The following SRPK2 variants were observed in gnomAD, a reference collection of about 807,000 sequenced individuals.
The protein encoded by SRPK2 is SFRS protein kinase 2.
A neutral mutation model predicts 90.8 loss-of-function variants in SRPK2; 21 were observed. The observed-to-expected ratio is 0.23, with a 90% CI of 0.16 to 0.33. The LOEUF is 0.33. SRPK2 is among the 10% of genes least tolerant of loss of function. The pLI is 1.00. For missense variants in SRPK2, 620 were observed against 869.0 expected, an observed-to-expected ratio of 0.71 and a Z score of 3.60; for synonymous variants, 288 against 311.1, an observed-to-expected ratio of 0.93 and a Z score of 0.78.
At position 105,301,513 on chromosome 7, in the gene SRPK2, G is replaced by A. The variant is rs191874660; in HGVS notation, c.71+87135C>T. 62 of 1,381,844 alleles carry A rather than the reference G, an allele frequency of 4.5e-5. 1 individual carries two copies. Among genetic ancestry groups the A allele is most frequent in the African/African-American group, 3.3e-4 (23 of 70,562 alleles). The allele number at this position is 1,381,844 out of a possible 1,614,324, so 85.6% of individuals were successfully genotyped here. On this transcript the variant is annotated intron_variant, in intron 2 of 15. Coordinates refer to ENST00000393651, the MANE Select transcript of SRPK2 (RefSeq NM_182692.3). ...TCCACTCAGGAGGCGCCCCGCAACC[G>A]GTGTGACGAGTGCCAACGAGGACCA...
chr7:105,245,032 CAA>C (rs1230455395), intron 2 of SRPK2: 95 of 587,794 alleles, frequency 1.6e-4, no homozygotes, highest in East Asian at 3.1e-4. Context: ...CAAAACAAAA[CAA>C]ACACACACAC....
intron 2 of SRPK2, among the ~76,000 whole-genome samples, chr7:105,370,622 T>C (rs1819589590): frequency 6.7e-6 from 1 of 148,996 alleles, no homozygotes; most frequent in Admixed American, 6.7e-5. Context: ...CTTTCTTTTT[T>C]TTTTTTTTTT....
chr7:105,346,667 C>T lies in SRPK2; in HGVS notation c.71+41981G>A, dbSNP rs558405446. On this transcript the variant is annotated intron_variant, in intron 2 of 15. Transcript: ENST00000393651. ...TACTCGGAAGGCTGAGGCAGAAGAACTGATTGAACCCCAGCAGGCAGAGGA... is the reference window on the plus strand; with the variant it reads ...TACTCGGAAGGCTGAGGCAGAAGAATTGATTGAACCCCAGCAGGCAGAGGA... 3.9e-5 allele frequency among the ~76,000 whole-genome samples: 6 copies of T among 151,908 alleles called. No individual in the cohort carries two copies. The South Asian group carries it at 6.2e-4, about 16-fold the overall frequency.
intron 2 of SRPK2, among the ~76,000 whole-genome samples, chr7:105,222,698 A>C (rs939658040): frequency 2.0e-5 from 3 of 152,208 alleles, no homozygotes; most frequent in Non-Finnish European, 2.9e-5. Flanking sequence ...TTCAATCCAT[A>C]ATAACATTAG....
At chr7:105,170,967 G>GAAAGAAAGAAAGAGAA (rs66735717) in intron 3 of SRPK2, among the ~76,000 whole-genome samples, 3 of 74,506 alleles carry the variant, frequency 4.0e-5, no homozygotes, top group South Asian at 6.1e-4. Flanking sequence ...AAGAAAGAAA[G>GAAAGAAAGAAAGAGAA]AGAAAGAAAG....
At chr7:105,236,688 T>C (rs1029580553) in intron 2 of SRPK2, among the ~76,000 whole-genome samples, 1 of 152,116 alleles carries the variant, frequency 6.6e-6, no homozygotes, top group Non-Finnish European at 1.5e-5. Flanking sequence ...TAACAACCTG[T>C]AGTTCACTTG....
At chr7:105,116,206 C>T (rs57402653), downstream of SRPK2, among the ~76,000 whole-genome samples, 1,599 of 152,056 alleles carry the variant, frequency 0.011, 22 homozygotes, top group African/African-American at 0.037. Flanking sequence ...CTCCTAAATC[C>T]CTTCTGCCCT....
intron 2 of SRPK2, among the ~76,000 whole-genome samples, chr7:105,341,794 C>A (rs1306354033): frequency 1.3e-5 from 2 of 152,044 alleles, no homozygotes; most frequent in African/African-American, 4.8e-5. Context: ...TGGTAAAACC[C>A]ATCTCTACTA....
intron 2 of SRPK2, among the ~76,000 whole-genome samples, chr7:105,232,614 AC>A (rs200016527): frequency 2.5e-4 from 11 of 44,042 alleles, no homozygotes; most frequent in African/African-American, 9.0e-4. Flanking sequence ...GCAAAACAAA[AC>A]AAAAAAAAAC....
intron 2 of SRPK2, among the ~76,000 whole-genome samples, chr7:105,270,244 A>C (rs780929543): frequency 1.2e-4 from 18 of 152,206 alleles, no homozygotes; most frequent in Admixed American, 1.3e-4. Flanking sequence ...AGCCACTGGG[A>C]GAGCAGAGCA....
chr7:105,352,090 A>T (rs1817264497), intron 2 of SRPK2, among the ~76,000 whole-genome samples: 1 of 152,166 alleles, frequency 6.6e-6, no homozygotes, highest in Non-Finnish European at 1.5e-5. Flanking sequence ...CTATGGAGCA[A>T]GCAGCAGAGC....
intron 3 of SRPK2, among the ~76,000 whole-genome samples, chr7:105,182,231 C>CAAAAAA (rs368137906): frequency 1.5e-5 from 1 of 65,834 alleles, no homozygotes; most frequent in Admixed American, 1.8e-4. Flanking sequence ...GACTCTGTCT[C>CAAAAAA]AAAAAAAAAA....
chr7:105,269,267 C>G (rs922830248), intron 2 of SRPK2, among the ~76,000 whole-genome samples: 5 of 151,824 alleles, frequency 3.3e-5, no homozygotes, highest in African/African-American at 4.8e-5. Flanking sequence ...CTGTAATAAA[C>G]AGATATGCAA....
In SRPK2 at chr7:105,146,596, C is replaced by A. The variant is rs369405262; in HGVS notation, c.684G>T (p.Pro228=). The A allele has an allele frequency of 1.2e-6, 2 of 1,614,148 alleles. No individual in the cohort carries two copies. The highest frequency in any genetic ancestry group is 1.7e-6 in the Non-Finnish European group (2 of 1,180,018). The change falls in exon 8 of 16, where the codon CCG becomes CCT. Residue 228 remains proline (P), a synonymous_variant. Transcript: ENST00000393651. ...KCKIIHTDIK[P]ENILMCVDDA... is the part of the protein sequence containing the mutation. ...CATCCACACACATCAAGATATTTTC[C>A]GGCTTTATGTCAGTATGAATGATCT...
At chr7:105,258,496 A>C (rs1444540623) in intron 2 of SRPK2, among the ~76,000 whole-genome samples, 3 of 152,124 alleles carry the variant, frequency 2.0e-5, no homozygotes, top group African/African-American at 7.2e-5. Flanking sequence ...GGTGATACAC[A>C]AAATACTAAT....
intron 11 of SRPK2, among the ~76,000 whole-genome samples, chr7:105,140,609 A>G (rs909967532): frequency 1.3e-5 from 2 of 151,960 alleles, no homozygotes; most frequent in African/African-American, 4.8e-5. Flanking sequence ...CAAAAAATAA[A>G]TAAATAAATG....
At chr7:105,372,147 A>T (rs1819775330) in intron 2 of SRPK2, among the ~76,000 whole-genome samples, 1 of 149,910 alleles carries the variant, frequency 6.7e-6, no homozygotes, top group African/African-American at 2.5e-5. Context: ...AAAAAAAAAA[A>T]AAAAAAAAAA....
At chr7:105,287,228 T>C (rs1188057535) in intron 2 of SRPK2, among the ~76,000 whole-genome samples, 1 of 116,252 alleles carries the variant, frequency 8.6e-6, no homozygotes, top group Non-Finnish European at 1.6e-5. Flanking sequence ...ACCACTGCAC[T>C]CCAGCCTGGG....
intron 2 of SRPK2, among the ~76,000 whole-genome samples, chr7:105,231,012 GGTTT>G (rs1799360033): frequency 6.6e-6 from 1 of 152,100 alleles, no homozygotes; most frequent in South Asian, 2.1e-4. Context: ...GTGTCACTAA[GGTTT>G]GTTGTACAGA....
Sources: allele counts gnomAD v4.1 joint callset (sites outside exome capture counted in the v4.1 genomes callset), GRCh38; gene constraint gnomAD v4.1.1; transcripts MANE v1.5; gene names NCBI Gene and HGNC (gene_info 2026-07-23, HGNC 2026-07-21).